Variants in CPNE8 observed in about 807,000 individuals in gnomAD.
CPNE8 encodes the protein copine-8.
A neutral mutation model predicts 81.5 loss-of-function variants in CPNE8; 45 were observed. The ratio of observed to expected loss-of-function variants is 0.55; its 90% CI spans 0.44 to 0.71. The LOEUF (loss-of-function observed/expected upper bound fraction) is 0.71. CPNE8 is among the 30% of genes least tolerant of loss of function. The pLI is 0.00. For synonymous variants in CPNE8, 252 were observed against 226.3 expected (o/e 1.11, Z -1.02); for missense variants, 594 against 672.1 (o/e 0.88, Z 1.28).
At chr12:38,856,838 T>C (rs375373806) in intron 3 of CPNE8, among the ~76,000 whole-genome samples, 13 of 152,144 alleles carry the variant, frequency 8.5e-5, no homozygotes, top group African/African-American at 2.9e-4. Flanking sequence ...GGTTTTTCAG[T>C]ATACATGTAC....
chr12:38,690,471 CATT>C (rs1256941756), intron 15 of CPNE8, among the ~76,000 whole-genome samples: 18 of 152,210 alleles, frequency 1.2e-4, no homozygotes, highest in South Asian at 4.2e-4. Context: ...TCAACATAAT[CATT>C]GTTGTTTTCA....
chr12:38,840,441 T>C (rs1943450307), intron 4 of CPNE8, among the ~76,000 whole-genome samples: 1 of 152,180 alleles, frequency 6.6e-6, no homozygotes, highest in African/African-American at 2.4e-5. Context: ...TTGCAAGATG[T>C]TGCTACTGGG....
chr12:38,828,100 C>T (rs1943229031), intron 6 of CPNE8, among the ~76,000 whole-genome samples: 1 of 152,146 alleles, frequency 6.6e-6, no homozygotes, highest in African/African-American at 2.4e-5. Context: ...TTAAAGGCAT[C>T]TTTAAGGTGG....
intron 19 of CPNE8, among the ~76,000 whole-genome samples, chr12:38,661,758 G>A (rs550178102): frequency 9.9e-5 from 15 of 151,998 alleles, no homozygotes; most frequent in Non-Finnish European, 1.6e-4. Context: ...CATCTTCAAC[G>A]AAATACTAGC....
At chr12:38,783,758 T>A (rs1259295288) in intron 6 of CPNE8, among the ~76,000 whole-genome samples, 2 of 152,188 alleles carry the variant, frequency 1.3e-5, no homozygotes, top group Non-Finnish European at 2.9e-5. Flanking sequence ...ACAGATTTTG[T>A]CCAAGACTAT....
chr12:38,752,716 C>A (rs1387734421), intron 10 of CPNE8, among the ~76,000 whole-genome samples: 1 of 152,124 alleles, frequency 6.6e-6, no homozygotes, highest in Admixed American at 6.5e-5. Flanking sequence ...ACTCTAAAGG[C>A]CTCTTCTAGC....
intron 6 of CPNE8, among the ~76,000 whole-genome samples, chr12:38,805,912 A>G (rs1942789891): frequency 1.3e-5 from 2 of 149,800 alleles, no homozygotes; most frequent in African/African-American, 4.8e-5. Context: ...AAAAAATGAT[A>G]AAGGGGATAT....
chr12:38,683,375 G>A (rs1939453709), intron 16 of CPNE8, among the ~76,000 whole-genome samples: 1 of 152,014 alleles, frequency 6.6e-6, no homozygotes, highest in Admixed American at 6.6e-5. Flanking sequence ...CAGAATTTGT[G>A]TTTTAGACAT....
At chr12:38,798,126 C>A (rs7953057) in intron 6 of CPNE8, among the ~76,000 whole-genome samples, 105,024 of 152,064 alleles carry the variant, frequency 0.69, 39,534 homozygotes, top group Non-Finnish European at 0.85. Context: ...AAACACTCTG[C>A]AAGACATTAT....
chr12:38,807,482 A>G (rs1271041010), intron 6 of CPNE8, among the ~76,000 whole-genome samples: 2 of 151,644 alleles, frequency 1.3e-5, no homozygotes, highest in Non-Finnish European at 2.9e-5. Flanking sequence ...GACAAACCTG[A>G]GAAAAACAAG....
intron 6 of CPNE8, among the ~76,000 whole-genome samples, chr12:38,800,198 G>C (rs1467575927): frequency 9.2e-6 from 1 of 108,254 alleles, no homozygotes; most frequent in East Asian, 2.5e-4. Context: ...TCCACCTCTG[G>C]GGGCAGGGCA....
intron 10 of CPNE8, among the ~76,000 whole-genome samples, chr12:38,733,223 T>C (rs1396024501): frequency 2.0e-5 from 3 of 151,940 alleles, no homozygotes; most frequent in East Asian, 1.9e-4. Flanking sequence ...AATACATGGA[T>C]ATTTTTATAC....
chr12:38,796,283 T>C (rs1282990319), intron 6 of CPNE8, among the ~76,000 whole-genome samples: 2 of 150,996 alleles, frequency 1.3e-5, no homozygotes, highest in Non-Finnish European at 2.9e-5. Context: ...TGGGACTCCA[T>C]CTCAAAAAAT....
rs565128862 is a variant in CPNE8 at position 38,673,939 on chromosome 12, G to A, written c.1432+1778C>T. ...AAGAATGAGATAATTTAATTTTGGA[G>A]GGAAAAAGTAATGGGAATGTGATTG... is the stretch of plus-strand genomic sequence containing the variant. On this transcript the variant is annotated intron_variant, in intron 18 of 19. Coordinates refer to ENST00000331366, the MANE Select transcript of CPNE8 (RefSeq NM_153634.3). Among the ~76,000 whole-genome samples the A allele has an allele frequency of 1.7e-4, 26 of 151,752 alleles. No homozygotes were observed. The East Asian group carries it at 4.3e-3, about 25-fold the overall frequency.
chr12:38,737,928 G>A (rs530121030), intron 10 of CPNE8, among the ~76,000 whole-genome samples: 2 of 152,250 alleles, frequency 1.3e-5, no homozygotes, highest in South Asian at 4.1e-4. Flanking sequence ...CTACACAAGG[G>A]TAGGGTCTTT....
At chr12:38,708,752 G>A (rs574142929) in intron 13 of CPNE8, among the ~76,000 whole-genome samples, 1 of 152,240 alleles carries the variant, frequency 6.6e-6, no homozygotes, top group African/African-American at 2.4e-5. Flanking sequence ...AGATCCACAG[G>A]AAGCAAGTAT....
chr12:38,739,229 A>G (rs1037743691), intron 10 of CPNE8, among the ~76,000 whole-genome samples: 2 of 152,216 alleles, frequency 1.3e-5, no homozygotes, highest in African/African-American at 4.8e-5. Flanking sequence ...GGTTTTAACA[A>G]TATAAATGTT....
chr12:38,888,641 T>C (rs2137136766), intron 1 of CPNE8, among the ~76,000 whole-genome samples: 1 of 152,278 alleles, frequency 6.6e-6, no homozygotes, highest in East Asian at 1.9e-4. Flanking sequence ...TTCATCCTTA[T>C]CAGAAGTGAG....
chr12:38,656,024 A>T (rs1008614383), intron 19 of CPNE8, among the ~76,000 whole-genome samples: 1 of 151,732 alleles, frequency 6.6e-6, no homozygotes, highest in African/African-American at 2.4e-5. Flanking sequence ...AGAGAATGAG[A>T]ATTAGAACTT....
Sources: allele counts gnomAD v4.1 joint callset (sites outside exome capture counted in the v4.1 genomes callset), GRCh38; gene constraint gnomAD v4.1.1; transcripts MANE v1.5; gene names NCBI Gene and HGNC (gene_info 2026-07-23, HGNC 2026-07-21).